TRIM33: variants seen among roughly 807,000 people sequenced by gnomAD.
TRIM33 encodes tripartite motif containing 33.
In TRIM33, 20 loss-of-function variants were observed where a neutral mutation model predicts 125.4. The ratio of observed to expected loss-of-function variants is 0.16; its 90% CI spans 0.11 to 0.23. The LOEUF is 0.23. Among genes scored for constraint, TRIM33 ranks in the 10% least tolerant of loss-of-function variants. The pLI is 1.00. For missense variants in TRIM33, 920 were observed against 1,411.4 expected (o/e 0.65, Z 5.58); for synonymous variants, 564 against 513.9 (o/e 1.10, Z -1.32).
At chr1:114,453,352 A>G (rs1345226456) in intron 4 of TRIM33, among the ~76,000 whole-genome samples, 1 of 149,274 alleles carries the variant, frequency 6.7e-6, no homozygotes, top group Non-Finnish European at 1.5e-5. Flanking sequence ...CAACAGAGAG[A>G]GTCTGTCTCA....
Position 114,481,336 on chromosome 1 carries a change from G to A in TRIM33, c.527-16948C>T, listed in dbSNP as rs151309065. ...AGGCCAGATGTGGTGGCTCACGCCT[G>A]TAATCCTAGCACTTTGGGAAGCCAA... On this transcript the variant is annotated intron_variant, in intron 1 of 19. Coordinates refer to ENST00000358465, the MANE Select transcript of TRIM33 (RefSeq NM_015906.4). 7.8e-3 allele frequency among the ~76,000 whole-genome samples: 1,195 copies of A among 152,296 alleles called. 17 individuals carry two copies. Among genetic ancestry groups the A allele is most frequent in the African/African-American group, 0.028 (1,149 of 41,560 alleles).
At chr1:114,439,051 A>G (rs1402663015) in intron 4 of TRIM33, among the ~76,000 whole-genome samples, 1 of 152,210 alleles carries the variant, frequency 6.6e-6, no homozygotes, top group Non-Finnish European at 1.5e-5. Context: ...AGGGAGCAAA[A>G]GCTAACTCTA....
rs560249227 is a variant in TRIM33 at position 114,511,056 on chromosome 1, G to A, written c.21C>T (p.Gly7=). ...CCCCGCCGCCGCTCTCAGCCTCGCCGCCGCCTTTGTTTTCCGCCATGTTTT... is the reference window on the plus strand; with the variant it reads ...CCCCGCCGCCGCTCTCAGCCTCGCCACCGCCTTTGTTTTCCGCCATGTTTT... MAENKG[G]GEAESGGGGS... Residue 7 remains glycine, a synonymous_variant, in exon 1 of 20, where the codon GGC becomes GGT. Transcript: ENST00000358465. 9 of 1,299,090 alleles carry A rather than the reference G, an allele frequency of 6.9e-6. No individual in the cohort carries two copies. The South Asian group carries it at 1.1e-4, about 17-fold the overall frequency. The allele number at this position is 1,299,090 out of a possible 1,614,324, so 80.5% of individuals were successfully genotyped here.
In TRIM33 at chr1:114,405,629, T is replaced by C; in HGVS notation, c.2549A>G (p.Lys850Arg). The C allele has an allele frequency of 1.9e-6, 3 of 1,614,200 alleles. No homozygotes were observed. Among genetic ancestry groups the C allele is most frequent in the Non-Finnish European group, 2.5e-6 (3 of 1,180,026 alleles). ...AACAAGGCTGCTGAGCCCTGACTGTTTGCAGCTTTCATTCATATCTGCAGG... is the reference window on the plus strand; with the variant it reads ...AACAAGGCTGCTGAGCCCTGACTGTCTGCAGCTTTCATTCATATCTGCAGG... ...IEPADMNESC[K>R]QSGLSSLVNG... The change falls in exon 15 of 20, where the codon AAA becomes AGA. Residue 850 changes from lysine to arginine, a missense_variant. Physicochemically the swap from Lys to Arg is conservative, Grantham distance 26. This residue lies in a region of TRIM33 where 407 missense variants were observed against 589.7 expected (regional missense o/e 0.69). Transcript: ENST00000358465.
rs148430686 is a variant in TRIM33 at position 114,509,730 on chromosome 1, T to C, written c.526+821A>G. On this transcript the variant is annotated intron_variant, in intron 1 of 19. Coordinates refer to ENST00000358465, the MANE Select transcript of TRIM33 (RefSeq NM_015906.4). Reference sequence around the variant, plus strand: ...AATTTCCCTGACCTTTCCTCTATTGTGCCACAACCATTGTACTGAGGACTC... The same window carrying C: ...AATTTCCCTGACCTTTCCTCTATTGCGCCACAACCATTGTACTGAGGACTC... 5.3e-3 allele frequency among the ~76,000 whole-genome samples: 803 copies of C among 152,322 alleles called. 1 individual carries two copies. The highest frequency in any genetic ancestry group is 0.011 in the Admixed American group (163 of 15,302).
chr1:114,453,546 G>A (rs538958672), intron 4 of TRIM33, among the ~76,000 whole-genome samples: 73 of 152,328 alleles, frequency 4.8e-4, no homozygotes, highest in African/African-American at 1.7e-3. Flanking sequence ...TGCCCAAAGA[G>A]AGATCTAGCC....
At chr1:114,474,778 G>A (rs907636635) in intron 1 of TRIM33, among the ~76,000 whole-genome samples, 4 of 151,598 alleles carry the variant, frequency 2.6e-5, no homozygotes, top group Non-Finnish European at 5.9e-5. Context: ...TGTAATCCCA[G>A]CTACTCAGGA....
At chr1:114,463,064 T>G in intron 4 of TRIM33, 40 bp downstream of exon 4, 1 of 1,514,818 alleles carries the variant, frequency 6.6e-7, no homozygotes, top group South Asian at 1.3e-5. Flanking sequence ...TACAAGCACT[T>G]TTTATAGTAT....
Position 114,393,879 on chromosome 1 carries a change from T to C in TRIM33, c.*3769A>G, listed in dbSNP as rs368785109. On this transcript the variant is annotated 3_prime_UTR_variant, in exon 20 of 20. Coordinates refer to ENST00000358465, the MANE Select transcript of TRIM33 (RefSeq NM_015906.4). ...TTTAAATTTCTTAATTTTTAAAAGATAGACTGGGTGATATGCATACAAACT... is the reference window on the plus strand; with the variant it reads ...TTTAAATTTCTTAATTTTTAAAAGACAGACTGGGTGATATGCATACAAACT... The C allele has an allele frequency of 1.0e-4, 22 of 214,808 alleles. No individual in the cohort carries two copies. The highest frequency in any genetic ancestry group is 3.7e-4 in the South Asian group (2 of 5,358). 13.3% of individuals were successfully genotyped at this position (214,808 alleles called of 1,614,324 possible).
chr1:114,399,793 C>T (rs971773131), intron 17 of TRIM33, among the ~76,000 whole-genome samples, 184 bp from the exon 18 acceptor site: 6 of 151,988 alleles, frequency 3.9e-5, no homozygotes, highest in Non-Finnish European at 7.4e-5. Context: ...GGCATATGTG[C>T]CAATCTTCAT....
intron 1 of TRIM33, among the ~76,000 whole-genome samples, chr1:114,477,173 C>CA (rs1448037994): frequency 6.6e-6 from 1 of 151,864 alleles, no homozygotes; most frequent in Admixed American, 6.6e-5. Context: ...ATAATCATAT[C>CA]AAAACAACTG....
At chr1:114,411,931 TATAA>T (rs750584920) in intron 11 of TRIM33, among the ~76,000 whole-genome samples, 125 of 152,274 alleles carry the variant, frequency 8.2e-4, no homozygotes, top group Admixed American at 3.8e-3. Flanking sequence ...ATAATTATTA[TATAA>T]ATAATTTTCA....
At chr1:114,441,024 A>T (rs1025326549) in intron 4 of TRIM33, among the ~76,000 whole-genome samples, 12 of 152,262 alleles carry the variant, frequency 7.9e-5, no homozygotes, top group Non-Finnish European at 4.4e-5. Context: ...TTAAAATACA[A>T]AGGCCAGGCA....
At chr1:114,415,450 T>C (rs576724767) in intron 11 of TRIM33, among the ~76,000 whole-genome samples, 5 of 152,332 alleles carry the variant, frequency 3.3e-5, no homozygotes, top group African/African-American at 1.2e-4. Context: ...CATACATAAT[T>C]CCTATCTGGA....
intron 5 of TRIM33, 78 bp from the exon 6 acceptor site, chr1:114,430,990 C>T: frequency 1.2e-6 from 1 of 843,884 alleles, no homozygotes; most frequent in Non-Finnish European, 2.0e-6. Flanking sequence ...GAAATTCATC[C>T]AACTGGGCAC....
intron 16 of TRIM33, among the ~76,000 whole-genome samples, chr1:114,402,100 C>A (rs1366975682): frequency 1.3e-5 from 2 of 152,204 alleles, no homozygotes; most frequent in Middle Eastern, 6.8e-3. Flanking sequence ...AATGACCACA[C>A]GACAATGCAA....
chr1:114,460,620 CTGA>C (rs559047991), intron 4 of TRIM33, among the ~76,000 whole-genome samples: 95 of 116,562 alleles, frequency 8.2e-4, no homozygotes, highest in African/African-American at 3.0e-3. Flanking sequence ...TCCTACGGTG[CTGA>C]TGTCTTTAAT....
intron 1 of TRIM33, among the ~76,000 whole-genome samples, chr1:114,479,851 C>A (rs911663160): frequency 6.6e-6 from 1 of 151,768 alleles, no homozygotes; most frequent in Non-Finnish European, 1.5e-5. Flanking sequence ...CTGCCCCGTC[C>A]GGGAGGGAGG....
chr1:114,481,363 G>A (rs1400355080), intron 1 of TRIM33, among the ~76,000 whole-genome samples: 1 of 152,050 alleles, frequency 6.6e-6, no homozygotes, highest in Non-Finnish European at 1.5e-5. Context: ...GGAAGCCAAG[G>A]TGGTGGATCA....
Sources: gnomAD v4.1 joint callset for allele counts (sites outside exome capture counted in the v4.1 genomes callset) on GRCh38, gnomAD v4.1.1 for gene constraint, gnomAD v4.1.1 regional missense constraint, MANE v1.5 for transcripts, NCBI Gene and HGNC (gene_info 2026-07-23, HGNC 2026-07-21) for gene names.